H2AC20: variants seen among roughly 807,000 people sequenced by gnomAD.
H2AC20 encodes the protein histone H2A type 2-C.
Under a neutral mutation model 7.1 loss-of-function variants are expected in H2AC20, and 7 were observed. That is an observed-to-expected ratio of 0.99 (90% confidence interval 0.56 to 1.85). The LOEUF (loss-of-function observed/expected upper bound fraction) is 1.85, where lower values mean the gene tolerates loss of function less well. H2AC20 is among the 40% of genes most tolerant of loss of function. H2AC20 has a pLI of 0.00. For synonymous variants in H2AC20, 97 were observed against 82.2 expected (o/e 1.18, Z -0.98); for missense variants, 127 against 179.6 (o/e 0.71, Z 1.67).
Position 149,887,058 on chromosome 1 carries a change from A to C in H2AC20, c.84A>C (p.Val28=). The C allele has an allele frequency of 1.9e-6, 3 of 1,614,108 alleles. No homozygotes were observed. Among genetic ancestry groups the C allele is most frequent in the South Asian group, 1.1e-5 (1 of 91,066 alleles). ...CCCGCGCTGGCCTCCAGTTCCCGGT[A>C]GGGCGAGTGCACCGCTTGCTGCGCA... The part of the protein sequence containing the change: ...RSSRAGLQFP[V]GRVHRLLRKG... The change falls in exon 1 of 1, where the codon GTA becomes GTC. Residue 28 remains valine, a synonymous_variant. Transcript: ENST00000331380.
chr1:149,886,944 G>T lies in H2AC20; in HGVS notation c.-31G>T, dbSNP rs373716356. 62 of 1,614,060 alleles carry T rather than the reference G, an allele frequency of 3.8e-5. 2 individuals are homozygous for T. The highest frequency in any genetic ancestry group is 2.3e-4 in the African/African-American group (17 of 75,058). On this transcript the variant is annotated 5_prime_UTR_variant, in exon 1 of 1. Coordinates refer to ENST00000331380, the MANE Select transcript of H2AC20 (RefSeq NM_003517.3). ...ATCTTATTTTGTTGCGAGGTTCTGA[G>T]CGTTGTCTGTGTTTAACCTTGATTT...
rs782483200 is a variant in H2AC20, at chr1:149,886,951, C to G, written c.-24C>G. 5.6e-6 allele frequency: 9 copies of G among 1,614,074 alleles called. No homozygotes were observed. The Admixed American group carries it at 1.0e-4, about 18-fold the overall frequency. ...TTTGTTGCGAGGTTCTGAGCGTTGT[C>G]TGTGTTTAACCTTGATTTCAGTCAT... On this transcript the variant is annotated 5_prime_UTR_variant, in exon 1 of 1. Coordinates refer to ENST00000331380, the MANE Select transcript of H2AC20 (RefSeq NM_003517.3).
rs782041483 is a variant in H2AC20 at position 149,887,338 on chromosome 1, GAAAGCCAC to G, written c.372_379del (p.His124GlnfsTer17). On this transcript the variant is annotated frameshift_variant, in exon 1 of 1. Coordinates refer to ENST00000331380, the MANE Select transcript of H2AC20 (RefSeq NM_003517.3). LOFTEE classifies it high-confidence loss of function. ...GGCCGTTCTGTTACCAAAGAAAACCGAAAGCCACAAAGCCAAAAGCAAATAAATGCAGA... is the reference window on the plus strand; with the variant it reads ...GGCCGTTCTGTTACCAAAGAAAACCGAAAGCCAAAAGCAAATAAATGCAGA... 63 of 1,613,670 alleles carry G rather than the reference GAAAGCCAC, an allele frequency of 3.9e-5. No individual in the cohort carries two copies. Among genetic ancestry groups the G allele is most frequent in the African/African-American group, 9.4e-5 (7 of 74,864 alleles).
In H2AC20 at chr1:149,887,154, C is replaced by T. The variant is rs782800981; in HGVS notation, c.180C>T (p.Thr60=). 2.3e-4 allele frequency: 365 copies of T among 1,614,034 alleles called. No individual in the cohort carries two copies. The highest frequency in any genetic ancestry group is 3.1e-4 in the Non-Finnish European group (360 of 1,180,042). ...TGGCGGCGGTCCTCGAGTACCTGAC[C>T]GCCGAGATCCTGGAGCTGGCGGGCA... ...VYMAAVLEYL[T]AEILELAGNA... is the part of the protein sequence containing the mutation. Residue 60 remains threonine, a synonymous_variant, in exon 1 of 1, where the codon ACC becomes ACT. Transcript: ENST00000331380.
Position 149,887,339 on chromosome 1 carries a change from A to C in H2AC20, c.365A>C (p.Glu122Ala). The change falls in exon 1 of 1, where the codon GAA becomes GCA. Residue 122 changes from glutamate (E) to alanine (A), a missense_variant. By Grantham distance (107) the Glu-to-Ala change is moderately radical. Coordinates refer to ENST00000331380, the MANE Select transcript of H2AC20 (RefSeq NM_003517.3). ...GCCGTTCTGTTACCAAAGAAAACCGAAAGCCACAAAGCCAAAAGCAAATAA... is the reference window on the plus strand; with the variant it reads ...GCCGTTCTGTTACCAAAGAAAACCGCAAGCCACAAAGCCAAAAGCAAATAA... ...IQAVLLPKKT[E>A]SHKAKSK 6.2e-7 allele frequency: 1 copy of C among 1,613,502 alleles called. No individual in the cohort carries two copies. The highest frequency in any genetic ancestry group is 8.5e-7 in the Non-Finnish European group (1 of 1,179,648).
In H2AC20 at chr1:149,887,390, A is replaced by C; in HGVS notation, c.*26A>C. 6.3e-7 allele frequency: 1 copy of C among 1,595,592 alleles called. No individual in the cohort carries two copies. The highest frequency in any genetic ancestry group is 1.1e-5 in the South Asian group (1 of 88,684). On this transcript the variant is annotated 3_prime_UTR_variant, in exon 1 of 1. Transcript: ENST00000331380. ...ATGCAGACAAACAAACCAAGACCAA[A>C]GGCTCTTTTTAGAGCCACCCAAGTT...
At position 149,887,407 on chromosome 1, in the gene H2AC20, A is replaced by C. The variant is rs972849381; in HGVS notation, c.*43A>C. ...AAGACCAAAGGCTCTTTTTAGAGCC[A>C]CCCAAGTTTTCAAAAAAAGAGCTAA... On this transcript the variant is annotated 3_prime_UTR_variant, in exon 1 of 1. Transcript: ENST00000331380. 3 of 1,575,888 alleles carry C rather than the reference A, an allele frequency of 1.9e-6. No individual in the cohort carries two copies. The highest frequency in any genetic ancestry group is 1.4e-5 in the African/African-American group (1 of 72,818).
In H2AC20 at chr1:149,887,247, C is replaced by T; in HGVS notation, c.273C>T (p.Asp91=). Residue 91 remains aspartate, a synonymous_variant, in exon 1 of 1, where the codon GAC becomes GAT. Transcript: ENST00000331380. ...PRHLQLAIRN[D]EELNKLLGKV... Reference sequence around the variant, plus strand: ...ACCTCCAGCTGGCCATCCGCAACGACGAGGAACTGAACAAGCTGCTGGGCA... The same window carrying T: ...ACCTCCAGCTGGCCATCCGCAACGATGAGGAACTGAACAAGCTGCTGGGCA... 1.2e-6 allele frequency: 2 copies of T among 1,614,210 alleles called. No homozygotes were observed. Among genetic ancestry groups the T allele is most frequent in the Admixed American group, 3.3e-5 (2 of 60,032 alleles).
rs747386525 is a variant in H2AC20, at chr1:149,887,400, T to A, written c.*36T>A. On this transcript the variant is annotated 3_prime_UTR_variant, in exon 1 of 1. Coordinates refer to ENST00000331380, the MANE Select transcript of H2AC20 (RefSeq NM_003517.3). ...ACAAACCAAGACCAAAGGCTCTTTT[T>A]AGAGCCACCCAAGTTTTCAAAAAAA... 2 of 1,585,674 alleles carry A rather than the reference T, an allele frequency of 1.3e-6. No homozygotes were observed. Among genetic ancestry groups the A allele is most frequent in the Non-Finnish European group, 1.7e-6 (2 of 1,167,982 alleles).
Position 149,887,088 on chromosome 1 carries a change from C to T in H2AC20, c.114C>T (p.Gly38=), listed in dbSNP as rs2092305933. The T allele has an allele frequency of 1.2e-6, 2 of 1,614,034 alleles. No individual in the cohort carries two copies. The highest frequency in any genetic ancestry group is 8.5e-7 in the Non-Finnish European group (1 of 1,179,944). ...VGRVHRLLRK[G]NYAERVGAGA... ...GAGTGCACCGCTTGCTGCGCAAAGG[C>T]AACTACGCGGAGCGGGTGGGGGCCG... The change falls in exon 1 of 1, where the codon GGC becomes GGT. Residue 38 remains glycine, a synonymous_variant. Coordinates refer to ENST00000331380, the MANE Select transcript of H2AC20 (RefSeq NM_003517.3).
At position 149,887,384 on chromosome 1, in the gene H2AC20, G is replaced by C. The variant is rs782198256; in HGVS notation, c.*20G>C. The C allele has an allele frequency of 1.3e-6, 2 of 1,598,272 alleles. No homozygotes were observed. The highest frequency in any genetic ancestry group is 1.7e-6 in the Non-Finnish European group (2 of 1,173,124). On this transcript the variant is annotated 3_prime_UTR_variant, in exon 1 of 1. Coordinates refer to ENST00000331380, the MANE Select transcript of H2AC20 (RefSeq NM_003517.3). ...AAATAAATGCAGACAAACAAACCAA[G>C]ACCAAAGGCTCTTTTTAGAGCCACC...
At position 149,887,065 on chromosome 1, in the gene H2AC20, G is replaced by C. The variant is rs2092305693; in HGVS notation, c.91G>C (p.Val31Leu). 5 of 1,613,976 alleles carry C rather than the reference G, an allele frequency of 3.1e-6. No individual in the cohort carries two copies. Among genetic ancestry groups the C allele is most frequent in the Non-Finnish European group, 4.2e-6 (5 of 1,179,992 alleles). The change falls in exon 1 of 1, where the codon GTG (valine) becomes CTG (leucine). Residue 31 changes from valine to leucine, a missense_variant. Transcript: ENST00000331380. Reference protein sequence around the residue: ...RAGLQFPVGRVHRLLRKGNYA... With the variant: ...RAGLQFPVGRLHRLLRKGNYA... ...TGGCCTCCAGTTCCCGGTAGGGCGA[G>C]TGCACCGCTTGCTGCGCAAAGGCAA... is the stretch of plus-strand genomic sequence containing the variant.
In H2AC20 at chr1:149,887,019, C is replaced by G. The variant is rs782582886; in HGVS notation, c.45C>G (p.Ala15=). Residue 15 remains alanine (A), a synonymous_variant, in exon 1 of 1, where the codon GCC becomes GCG. Coordinates refer to ENST00000331380, the MANE Select transcript of H2AC20 (RefSeq NM_003517.3). The stretch of plus-strand genomic sequence containing the variant: ...AAGGAGGCAAGGCCCGCGCCAAGGC[C>G]AAGTCGCGCTCGTCCCGCGCTGGCC... ...GKQGGKARAK[A]KSRSSRAGLQ... 1.2e-6 allele frequency: 2 copies of G among 1,614,130 alleles called. No individual in the cohort carries two copies. Among genetic ancestry groups the G allele is most frequent in the East Asian group, 4.5e-5 (2 of 44,904 alleles).
chr1:149,887,002 A>G lies in H2AC20; in HGVS notation c.28A>G (p.Lys10Glu), dbSNP rs781823212. Residue 10 changes from lysine to glutamate, a missense_variant, in exon 1 of 1, where the codon AAG (lysine) becomes GAG (glutamate). Lys to Glu is a moderately conservative substitution (Grantham distance 56). Coordinates refer to ENST00000331380, the MANE Select transcript of H2AC20 (RefSeq NM_003517.3). ...GTCTGGTCGTGGCAAACAAGGAGGC[A>G]AGGCCCGCGCCAAGGCCAAGTCGCG... MSGRGKQGGKARAKAKSRSS... is the reference protein window; with the variant it reads MSGRGKQGGEARAKAKSRSS... 3 of 1,614,248 alleles carry G rather than the reference A, an allele frequency of 1.9e-6. No homozygotes were observed. The highest frequency in any genetic ancestry group is 3.3e-5 in the Admixed American group (2 of 60,026).
At position 149,887,401 on chromosome 1, in the gene H2AC20, A is replaced by G; in HGVS notation, c.*37A>G. The G allele has an allele frequency of 6.3e-7, 1 of 1,584,056 alleles. No homozygotes were observed. The highest frequency in any genetic ancestry group is 8.6e-7 in the Non-Finnish European group (1 of 1,167,504). On this transcript the variant is annotated 3_prime_UTR_variant, in exon 1 of 1. Coordinates refer to ENST00000331380, the MANE Select transcript of H2AC20 (RefSeq NM_003517.3). ...CAAACCAAGACCAAAGGCTCTTTTT[A>G]GAGCCACCCAAGTTTTCAAAAAAAG... is the stretch of plus-strand genomic sequence containing the variant.
In H2AC20 at chr1:149,887,054, C is replaced by T; in HGVS notation, c.80C>T (p.Pro27Leu). 3.1e-6 allele frequency: 5 copies of T among 1,614,146 alleles called. No homozygotes were observed. The highest frequency in any genetic ancestry group is 4.2e-6 in the Non-Finnish European group (5 of 1,180,008). The change falls in exon 1 of 1, where the codon CCG (proline) becomes CTG (leucine). Residue 27 changes from proline (P) to leucine (L), a missense_variant. Coordinates refer to ENST00000331380, the MANE Select transcript of H2AC20 (RefSeq NM_003517.3). ...SRSSRAGLQF[P>L]VGRVHRLLRK... ...TCGTCCCGCGCTGGCCTCCAGTTCCCGGTAGGGCGAGTGCACCGCTTGCTG... is the reference window on the plus strand; with the variant it reads ...TCGTCCCGCGCTGGCCTCCAGTTCCTGGTAGGGCGAGTGCACCGCTTGCTG...
At position 149,887,202 on chromosome 1, in the gene H2AC20, G is replaced by A. The variant is rs2092307349; in HGVS notation, c.228G>A (p.Lys76=). The A allele has an allele frequency of 6.2e-7, 1 of 1,614,082 alleles. No homozygotes were observed. Among genetic ancestry groups the A allele is most frequent in the African/African-American group, 1.3e-5 (1 of 74,934 alleles). Reference sequence around the variant, plus strand: ...GCAACGCGGCTCGGGACAACAAGAAGACGCGCATCATCCCTCGTCACCTCC... The same window carrying A: ...GCAACGCGGCTCGGGACAACAAGAAAACGCGCATCATCCCTCGTCACCTCC... ...LAGNAARDNK[K]TRIIPRHLQL... Residue 76 remains lysine, a synonymous_variant, in exon 1 of 1, where the codon AAG becomes AAA. Coordinates refer to ENST00000331380, the MANE Select transcript of H2AC20 (RefSeq NM_003517.3).
At chr1:149,887,410 CA>C (rs782615207) in exon 1 of H2AC20, 1 of 1,572,850 alleles carries the variant, frequency 6.4e-7, no homozygotes, top group Non-Finnish European at 8.6e-7. Flanking sequence ...TAGAGCCACC[CA>C]AGTTTTCAAA....
In H2AC20 at chr1:149,887,049, G is replaced by A. The variant is rs2092305512; in HGVS notation, c.75G>A (p.Gln25=). ...AKSRSSRAGL[Q]FPVGRVHRLL... ...CGCGCTCGTCCCGCGCTGGCCTCCA[G>A]TTCCCGGTAGGGCGAGTGCACCGCT... Residue 25 remains glutamine (Q), a synonymous_variant, in exon 1 of 1, where the codon CAG becomes CAA. Transcript: ENST00000331380. 1.2e-6 allele frequency: 2 copies of A among 1,614,186 alleles called. No homozygotes were observed. The highest frequency in any genetic ancestry group is 1.7e-6 in the Non-Finnish European group (2 of 1,180,024).
Sources: gnomAD v4.1 joint callset for allele counts on GRCh38, gnomAD v4.1.1 for gene constraint, MANE v1.5 for transcripts, NCBI Gene and HGNC (gene_info 2026-07-23, HGNC 2026-07-21) for gene names.